Variants in HNMT observed in about 807,000 individuals in gnomAD.
HNMT encodes histamine N-methyltransferase.
A neutral mutation model predicts 32.1 loss-of-function variants in HNMT; 30 were observed. That is an observed-to-expected ratio of 0.93 (90% confidence interval 0.70 to 1.27). The LOEUF (loss-of-function observed/expected upper bound fraction) is 1.27. Among genes scored for constraint, HNMT ranks in the 50% most tolerant of loss-of-function variants. The probability of loss-of-function intolerance (pLI) is 0.00; values close to 1 mark genes in which losing one functional copy is unlikely to be tolerated. For missense variants in HNMT, 327 were observed against 346.0 expected, an observed-to-expected ratio of 0.95 and a Z score of 0.43; for synonymous variants, 125 against 119.0, an observed-to-expected ratio of 1.05 and a Z score of -0.33.
At chr2:137,981,474 T>C (rs1451151828) in intron 2 of HNMT, 1 of 977,954 alleles carries the variant, frequency 1.0e-6, no homozygotes, top group Middle Eastern at 2.2e-4. Context: ...ACACCGCAGC[T>C]TCCCCTTTCT....
intron 1 of HNMT, chr2:137,966,949 T>TTA (rs1477317245): frequency 3.1e-6 from 2 of 647,562 alleles, no homozygotes; most frequent in African/African-American, 3.7e-5. Flanking sequence ...TTTAAGAACT[T>TTA]TAAGAGTGAA....
chr2:137,978,771 A>G (rs931943230), intron 2 of HNMT, among the ~76,000 whole-genome samples: 5 of 139,796 alleles, frequency 3.6e-5, no homozygotes, highest in African/African-American at 1.3e-4. Flanking sequence ...ATTATATAAT[A>G]TAGTATTATA....
intron 2 of HNMT, chr2:137,981,485 T>G (rs1424386017): frequency 1.1e-6 from 1 of 952,168 alleles, no homozygotes. Flanking sequence ...TCCCCTTTCT[T>G]TGTTGCTTTG....
In HNMT at chr2:138,002,536, A is replaced by C. The variant is rs74593389; in HGVS notation, c.429+342A>C. The C allele has an allele frequency of 6.0e-3, 1,599 of 266,592 alleles. 32 individuals carry two copies. Among genetic ancestry groups the C allele is most frequent in the African/African-American group, 0.035 (1,532 of 43,558 alleles). The allele number at this position is 266,592 out of a possible 1,614,324, so 16.5% of individuals were successfully genotyped here. On this transcript the variant is annotated intron_variant, in intron 4 of 5. Coordinates refer to ENST00000280097, the MANE Select transcript of HNMT (RefSeq NM_006895.3). Reference sequence around the variant, plus strand: ...GATCTTAGCTCACTCTAGCCTCAAAATCCTGAGCTTAAGCAATTCTCCCAC... The same window carrying C: ...GATCTTAGCTCACTCTAGCCTCAAACTCCTGAGCTTAAGCAATTCTCCCAC...
intron 5 of HNMT, among the ~76,000 whole-genome samples, chr2:138,012,005 T>A (rs1439584482): frequency 1.3e-5 from 2 of 152,116 alleles, no homozygotes; most frequent in Non-Finnish European, 2.9e-5. Context: ...ACTGTGTATG[T>A]AATATGCATG....
intron 2 of HNMT, among the ~76,000 whole-genome samples, chr2:137,979,507 C>T (rs1558955010): frequency 6.6e-6 from 1 of 151,922 alleles, no homozygotes; most frequent in South Asian, 2.1e-4. Context: ...CCACCTTGGC[C>T]TCCCAAAGTG....
intron 2 of HNMT, among the ~76,000 whole-genome samples, chr2:137,985,375 C>T (rs187351118): frequency 8.5e-5 from 13 of 152,284 alleles, no homozygotes; most frequent in African/African-American, 3.1e-4. Flanking sequence ...CTAGCTAAAG[C>T]GTAGAGGGTT....
rs142186887 is a variant in HNMT at position 138,000,954 on chromosome 2, C to T, written c.227C>T (p.Ala76Val). 9.8e-5 allele frequency: 158 copies of T among 1,607,928 alleles called. No homozygotes were observed. In the East Asian group the frequency reaches 3.4e-3, roughly 34 times the overall value. ...CTTCAAATTCTCTCCAAAGTTCAGG[C>T]TCAATACCCAGGAGTTTGTATCAAC... ...IDLQILSKVQ[A>V]QYPGVCINNE... The change falls in exon 3 of 6, where the codon GCT becomes GTT. Residue 76 changes from alanine to valine, a missense_variant. Physicochemically the swap from Ala to Val is moderately conservative, Grantham distance 64. Coordinates refer to ENST00000280097, the MANE Select transcript of HNMT (RefSeq NM_006895.3).
chr2:137,980,925 C>CA (rs1680474198), intron 2 of HNMT, among the ~76,000 whole-genome samples: 1 of 152,060 alleles, frequency 6.6e-6, no homozygotes, highest in Non-Finnish European at 1.5e-5. Context: ...TATTGCAGTT[C>CA]ACAATCAGAT....
intron 2 of HNMT, among the ~76,000 whole-genome samples, chr2:137,988,233 A>G (rs1680708899): frequency 6.6e-6 from 1 of 152,238 alleles, no homozygotes; most frequent in Admixed American, 6.5e-5. Flanking sequence ...AGGTTTGCTT[A>G]GCAGGGTTTA....
chr2:138,005,260 A>C (rs777389586), intron 5 of HNMT, 35 bp downstream of exon 5: 7 of 1,130,714 alleles, frequency 6.2e-6, no homozygotes, highest in Non-Finnish European at 2.7e-6. Flanking sequence ...ATTTTAAAAC[A>C]GCAATAATAC....
chr2:138,013,005 T>A (rs1681556080), intron 5 of HNMT, among the ~76,000 whole-genome samples: 1 of 152,080 alleles, frequency 6.6e-6, no homozygotes, highest in South Asian at 2.1e-4. Context: ...GTGACCTTAT[T>A]AAATGTATAT....
chr2:138,010,482 C>CACACAG (rs1553435898), intron 5 of HNMT, among the ~76,000 whole-genome samples: 1 of 134,248 alleles, frequency 7.4e-6, no homozygotes, highest in African/African-American at 2.6e-5. Flanking sequence ...CACACACACA[C>CACACAG]AGCAAATGGA....
At chr2:138,005,685 T>C (rs1192980372) in intron 5 of HNMT, among the ~76,000 whole-genome samples, 4 of 152,082 alleles carry the variant, frequency 2.6e-5, no homozygotes, top group Non-Finnish European at 5.9e-5. Context: ...CTGCTTGCTA[T>C]AGGTTTTTTC....
rs748043188 is a variant in HNMT, at chr2:138,005,141, T to G, written c.439T>G (p.Tyr147Asp). Residue 147 changes from tyrosine to aspartate, a missense_variant, in exon 5 of 6, where the codon TAT becomes GAT. Tyr to Asp is a radical substitution (Grantham distance 160, BLOSUM62 -3). Transcript: ENST00000280097. ...DFIHMIQMLY[Y>D]VKDIPATLKF... ...TTTTCCTCCTTTCTAGATGCTGTAT[T>G]ATGTAAAAGACATCCCAGCTACCCT... 6.4e-7 allele frequency: 1 copy of G among 1,562,674 alleles called. No homozygotes were observed. Among genetic ancestry groups the G allele is most frequent in the Admixed American group, 1.7e-5 (1 of 59,758 alleles).
At chr2:137,981,278 AC>A (rs1680489009) in intron 2 of HNMT, 3 of 1,613,376 alleles carry the variant, frequency 1.9e-6, no homozygotes, top group East Asian at 4.5e-5. Context: ...TTTGTGTAGC[AC>A]CCGTCAGAAA....
intron 2 of HNMT, among the ~76,000 whole-genome samples, chr2:137,994,471 TA>T (rs1311897399): frequency 2.6e-5 from 4 of 152,180 alleles, no homozygotes; most frequent in Admixed American, 2.6e-4. Context: ...CAAGAAGAGC[TA>T]ACTATTCTAA....
rs2104981092 is a variant in HNMT, at chr2:138,005,318, TTCA to T, written c.523+95_523+97del. ...TTGAAAGAAGCTTATATATTTTGTC[TTCA>T]TTATGAAATTCTTGCCTTGGCCTCT... On this transcript the variant is annotated intron_variant, in intron 5 of 5. Coordinates refer to ENST00000280097, the MANE Select transcript of HNMT (RefSeq NM_006895.3). 3 of 754,186 alleles carry T rather than the reference TTCA, an allele frequency of 4.0e-6. No individual in the cohort carries two copies. In the South Asian group the frequency reaches 5.1e-5, roughly 13 times the overall value. The allele number at this position is 754,186 out of a possible 1,614,324, so 46.7% of individuals were successfully genotyped here. A position where few individuals can be genotyped will look rare whatever the true frequency, so the allele number is the denominator to read the frequency against.
chr2:137,970,599 C>T (rs1680090907), intron 2 of HNMT, among the ~76,000 whole-genome samples: 1 of 152,060 alleles, frequency 6.6e-6, no homozygotes, highest in Non-Finnish European at 1.5e-5. Context: ...TGTTTTCAAA[C>T]TGTTATTGGT....
Sources: gnomAD v4.1 joint callset for allele counts (sites outside exome capture counted in the v4.1 genomes callset) on GRCh38, gnomAD v4.1.1 for gene constraint, MANE v1.5 for transcripts, NCBI Gene and HGNC (gene_info 2026-07-23, HGNC 2026-07-21) for gene names.